The following AVL9 variants were observed in gnomAD, a reference collection of about 807,000 sequenced individuals.
AVL9 encodes the protein late secretory pathway protein AVL9 homolog.
AVL9 carries 49 observed loss-of-function variants against 79.2 expected under a neutral mutation model. That is an observed-to-expected ratio of 0.62 (90% CI 0.49 to 0.79). AVL9 has a LOEUF of 0.79. Ranked by LOEUF, AVL9 falls within the 30% of genes least tolerant of loss-of-function variation. The probability of loss-of-function intolerance (pLI) is 0.00; values close to 1 mark genes in which losing one functional copy is unlikely to be tolerated. For synonymous variants in AVL9, 299 were observed against 280.6 expected, an observed-to-expected ratio of 1.07 and a Z score of -0.65; for missense variants, 682 against 776.8, an observed-to-expected ratio of 0.88 and a Z score of 1.45.
intron 1 of AVL9, among the ~76,000 whole-genome samples, chr7:32,540,361 G>A (rs1334034832): frequency 6.6e-6 from 1 of 152,230 alleles, no homozygotes; most frequent in African/African-American, 2.4e-5. Flanking sequence ...AGAAGTGTAT[G>A]TGAGCAGACA....
chr7:32,526,257 T>G (rs1355528984), intron 1 of AVL9, among the ~76,000 whole-genome samples: 1 of 152,160 alleles, frequency 6.6e-6, no homozygotes, highest in Non-Finnish European at 1.5e-5. Flanking sequence ...CAATCTTAAC[T>G]GCTTCCTGCT....
intron 1 of AVL9, among the ~76,000 whole-genome samples, chr7:32,541,609 T>C (rs543970162): frequency 1.4e-4 from 22 of 152,284 alleles, no homozygotes; most frequent in African/African-American, 5.1e-4. Context: ...CCTCACACTT[T>C]AGAAAATTGT....
intron 1 of AVL9, among the ~76,000 whole-genome samples, chr7:32,542,184 CTTT>C (rs113254142): frequency 1.7e-4 from 23 of 138,090 alleles, no homozygotes; most frequent in Non-Finnish European, 2.6e-4. Context: ...TTTTACAGTC[CTTT>C]TTTTTTTTTT....
intron 3 of AVL9, among the ~76,000 whole-genome samples, chr7:32,545,364 CTTTTTTT>C (rs10610945): frequency 1.1e-3 from 78 of 73,346 alleles, no homozygotes; most frequent in African/African-American, 3.0e-3. Flanking sequence ...TCTAAGATTT[CTTTTTTT>C]TTTTTTTTTT....
intron 2 of AVL9, 89 bp downstream of exon 2, chr7:32,543,350 G>A: frequency 6.9e-7 from 1 of 1,457,294 alleles, no homozygotes; most frequent in South Asian, 1.3e-5. Context: ...GAAATTAAAG[G>A]CCTTCAGCCT....
rs1442683528 is a variant in AVL9, at chr7:32,559,340, C to T, written c.1091C>T (p.Pro364Leu). Residue 364 changes from proline to leucine, a missense_variant, in exon 10 of 16, where the codon CCC becomes CTC. Transcript: ENST00000318709. ...AATTTGTTTCCAAAGGACTCTGTCCCCTCAGAGAGTCTTCCAATTACTGTA... is the reference window on the plus strand; with the variant it reads ...AATTTGTTTCCAAAGGACTCTGTCCTCTCAGAGAGTCTTCCAATTACTGTA... Reference protein sequence around the residue: ...QTNLFPKDSVPSESLPITVQP... With the variant: ...QTNLFPKDSVLSESLPITVQP... 3.7e-6 allele frequency: 6 copies of T among 1,613,982 alleles called. No individual in the cohort carries two copies. Among genetic ancestry groups the T allele is most frequent in the Non-Finnish European group, 3.4e-6 (4 of 1,180,036 alleles).
At chr7:32,499,353 A>G (rs1469486409) in intron 1 of AVL9, among the ~76,000 whole-genome samples, 1 of 29,404 alleles carries the variant, frequency 3.4e-5, no homozygotes, top group African/African-American at 1.1e-4. Flanking sequence ...TATCACATTA[A>G]CTCTGTTTTT....
chr7:32,553,368 C>T (rs1031239235), intron 6 of AVL9, among the ~76,000 whole-genome samples: 1 of 151,972 alleles, frequency 6.6e-6, no homozygotes, highest in Non-Finnish European at 1.5e-5. Context: ...CTGCACTGTC[C>T]AAAACAGTAG....
At chr7:32,519,457 G>A (rs1490839195) in intron 1 of AVL9, among the ~76,000 whole-genome samples, 2 of 151,490 alleles carry the variant, frequency 1.3e-5, no homozygotes, top group Non-Finnish European at 2.9e-5. Flanking sequence ...GAAATGGAAG[G>A]GCCTTCAGAC....
intron 1 of AVL9, chr7:32,535,478 T>G (rs1788859263): frequency 6.6e-6 from 1 of 152,234 alleles, no homozygotes; most frequent in Admixed American, 6.5e-5. Context: ...TTGAAACTAC[T>G]GATTTACTTT....
At chr7:32,530,641 A>G (rs1788607035) in intron 1 of AVL9, among the ~76,000 whole-genome samples, 1 of 152,206 alleles carries the variant, frequency 6.6e-6, no homozygotes, top group South Asian at 2.1e-4. Flanking sequence ...AAAAGTCAGA[A>G]TGTAGTTTAA....
intron 1 of AVL9, among the ~76,000 whole-genome samples, chr7:32,541,716 A>ATTT (rs71559233): frequency 1.4e-5 from 2 of 145,024 alleles, no homozygotes. Context: ...CCTTCAGTTA[A>ATTT]TTTTTTTTTT....
intron 11 of AVL9, among the ~76,000 whole-genome samples, chr7:32,570,619 C>CT (rs2128148598): frequency 6.8e-6 from 1 of 146,626 alleles, no homozygotes; most frequent in South Asian, 2.1e-4. Context: ...CTGAAATAAT[C>CT]TTTTTTCTTT....
intron 3 of AVL9, among the ~76,000 whole-genome samples, chr7:32,545,234 AG>A (rs1413333685): frequency 6.8e-6 from 1 of 146,680 alleles, no homozygotes; most frequent in East Asian, 2.1e-4. Flanking sequence ...CAGCCTGCTG[AG>A]TAGCTGGGAC....
chr7:32,500,545 C>T (rs559465541), intron 1 of AVL9, among the ~76,000 whole-genome samples: 1 of 151,982 alleles, frequency 6.6e-6, no homozygotes, highest in East Asian at 1.9e-4. Context: ...CCTGTTCACT[C>T]TAATGCTAGT....
At chr7:32,544,817 C>G in intron 3 of AVL9, 38 bp downstream of exon 3, 9 of 1,496,540 alleles carry the variant, frequency 6.0e-6, no homozygotes, top group Non-Finnish European at 8.4e-6. Flanking sequence ...TCCAAAGTCC[C>G]TTCTTAGATG....
At chr7:32,541,287 T>A (rs948734221) in intron 1 of AVL9, among the ~76,000 whole-genome samples, 2 of 152,090 alleles carry the variant, frequency 1.3e-5, no homozygotes, top group Admixed American at 6.6e-5. Flanking sequence ...AGAATTGGGG[T>A]ACATAATGTT....
intron 3 of AVL9, among the ~76,000 whole-genome samples, chr7:32,546,952 A>G (rs1789541481): frequency 6.6e-6 from 1 of 152,232 alleles, no homozygotes; most frequent in Admixed American, 6.5e-5. Flanking sequence ...ATGCTGCTCA[A>G]AAGACAGGAG....
At chr7:32,508,497 A>G (rs1157935551) in intron 1 of AVL9, among the ~76,000 whole-genome samples, 1 of 152,160 alleles carries the variant, frequency 6.6e-6, no homozygotes, top group Non-Finnish European at 1.5e-5. Flanking sequence ...GATATTTCAC[A>G]TTGTTTTTTC....
Sources: gnomAD v4.1 joint callset for allele counts (sites outside exome capture counted in the v4.1 genomes callset) on GRCh38, gnomAD v4.1.1 for gene constraint, MANE v1.5 for transcripts, NCBI Gene and HGNC (gene_info 2026-07-23, HGNC 2026-07-21) for gene names.